Variants in SH2D4A observed in about 807,000 individuals in gnomAD.
SH2D4A encodes the protein SH2 domain containing 4A.
Under a neutral mutation model 64.7 loss-of-function variants are expected in SH2D4A, and 70 were observed. That is an observed-to-expected ratio of 1.08 (90% confidence interval 0.89 to 1.32). The LOEUF (loss-of-function observed/expected upper bound fraction) is 1.32. Ranked by LOEUF, SH2D4A falls within the 40% of genes most tolerant of loss-of-function variation. The probability of loss-of-function intolerance (pLI) is 0.00; values close to 1 mark genes in which losing one functional copy is unlikely to be tolerated. For synonymous variants in SH2D4A, 268 were observed against 200.7 expected (o/e 1.34, Z -2.83); for missense variants, 706 against 540.1 (o/e 1.31, Z -3.04).
rs143082187 is a variant in SH2D4A, at chr8:19,377,587, C to T, written c.1048+3927C>T. Among the ~76,000 whole-genome samples, 395 of 152,180 alleles carry T rather than the reference C, an allele frequency of 2.6e-3. 4 individuals are homozygous for T. The highest frequency in any genetic ancestry group is 9.0e-3 in the African/African-American group (373 of 41,522). On this transcript the variant is annotated intron_variant, in intron 8 of 9. Transcript: ENST00000265807. ...GATCATGTTACACATATTGTTTTCC[C>T]CCAACATTGTTCCTGGGATTTGTCC... is the stretch of plus-strand genomic sequence containing the variant.
intron 4 of SH2D4A, among the ~76,000 whole-genome samples, chr8:19,356,890 G>A (rs1412224604): frequency 6.6e-6 from 1 of 152,352 alleles, no homozygotes; most frequent in South Asian, 2.1e-4. Context: ...AGGGGGTAAT[G>A]TTGATGGCTG....
intron 7 of SH2D4A, among the ~76,000 whole-genome samples, chr8:19,368,720 C>A (rs1420609468): frequency 6.7e-6 from 1 of 150,276 alleles, no homozygotes; most frequent in East Asian, 2.0e-4. Context: ...TTTATCAGGA[C>A]TAAGAGTTTT....
At position 19,388,200 on chromosome 8, in the gene SH2D4A, C is replaced by T. The variant is rs1233212979; in HGVS notation, c.1049-5118C>T. ...AGCATAGTGAGTTAAAAGCAAAACC[C>T]CAGAATAAGAGACAAGAGCCCTGGA... On this transcript the variant is annotated intron_variant, in intron 8 of 9. Transcript: ENST00000265807. 2.6e-5 allele frequency among the ~76,000 whole-genome samples: 4 copies of T among 152,292 alleles called. No homozygotes were observed. The East Asian group carries it at 7.7e-4, about 29-fold the overall frequency.
intron 2 of SH2D4A, among the ~76,000 whole-genome samples, chr8:19,325,779 C>T (rs1316091121): frequency 2.6e-5 from 4 of 152,278 alleles, no homozygotes. Context: ...TAAAAATCCA[C>T]TTTGATATTA....
At chr8:19,357,431 A>G in intron 5 of SH2D4A, 148 bp downstream of exon 5, 3 of 661,296 alleles carry the variant, frequency 4.5e-6, no homozygotes, top group East Asian at 2.7e-5. Context: ...ACAGTTCTGC[A>G]TCTTTACCCG....
chr8:19,340,601 CTTTTTTTT>C (rs535915285), intron 4 of SH2D4A, among the ~76,000 whole-genome samples: 1 of 100,532 alleles, frequency 9.9e-6, no homozygotes, highest in African/African-American at 4.0e-5. Flanking sequence ...TTCTTTCTTT[CTTTTTTTT>C]TTTTTTTTTT....
intron 8 of SH2D4A, among the ~76,000 whole-genome samples, chr8:19,381,550 G>A (rs2053292871): frequency 6.6e-6 from 1 of 152,156 alleles, no homozygotes; most frequent in African/African-American, 2.4e-5. Flanking sequence ...AGTTTTAACA[G>A]TTTTTTGTGG....
chr8:19,369,304 TG>T (rs1038288263), intron 7 of SH2D4A, among the ~76,000 whole-genome samples: 2 of 152,110 alleles, frequency 1.3e-5, no homozygotes, highest in African/African-American at 4.8e-5. Flanking sequence ...TTTCTTTTTT[TG>T]TTGTGTCTTT....
chr8:19,348,906 G>C (rs1251529225), intron 4 of SH2D4A, among the ~76,000 whole-genome samples: 1 of 152,158 alleles, frequency 6.6e-6, no homozygotes, highest in Non-Finnish European at 1.5e-5. Context: ...GGCATTGCCT[G>C]GTTCTGACTG....
intron 1 of SH2D4A, among the ~76,000 whole-genome samples, chr8:19,316,107 T>A (rs1389696266): frequency 6.6e-6 from 1 of 151,866 alleles, no homozygotes; most frequent in East Asian, 1.9e-4. Flanking sequence ...GGGTTGGGAA[T>A]TAGAGGGTGA....
chr8:19,352,154 A>T (rs185698981), intron 4 of SH2D4A, among the ~76,000 whole-genome samples: 2 of 152,350 alleles, frequency 1.3e-5, no homozygotes, highest in Admixed American at 1.3e-4. Flanking sequence ...AAGCAGTTTG[A>T]AAAGTGAACA....
At chr8:19,331,089 C>A (rs1190609345) in intron 2 of SH2D4A, among the ~76,000 whole-genome samples, 2 of 152,134 alleles carry the variant, frequency 1.3e-5, no homozygotes, top group African/African-American at 2.4e-5. Context: ...TCCCTCTGCC[C>A]AGCGTCTCTG....
chr8:19,350,855 A>T (rs1027931410), intron 4 of SH2D4A, among the ~76,000 whole-genome samples: 1 of 152,200 alleles, frequency 6.6e-6, no homozygotes, highest in African/African-American at 2.4e-5. Context: ...AAGTCGGGGT[A>T]TTCAGTAGTC....
chr8:19,316,007 G>A (rs2052081146), intron 1 of SH2D4A, among the ~76,000 whole-genome samples: 1 of 152,214 alleles, frequency 6.6e-6, no homozygotes, highest in Non-Finnish European at 1.5e-5. Flanking sequence ...AGGCGGAGCT[G>A]GGAGTTGAGG....
At chr8:19,384,608 T>A (rs1043229830) in intron 8 of SH2D4A, among the ~76,000 whole-genome samples, 1 of 152,226 alleles carries the variant, frequency 6.6e-6, no homozygotes, top group African/African-American at 2.4e-5. Context: ...TGTTGGAAAG[T>A]CCTTCTGGCC....
chr8:19,352,958 C>G (rs951400977), intron 4 of SH2D4A, among the ~76,000 whole-genome samples: 12 of 151,886 alleles, frequency 7.9e-5, no homozygotes, highest in African/African-American at 2.9e-4. Flanking sequence ...TGCAGTGAGC[C>G]CTGATCATGC....
chr8:19,334,014 A>G (rs561356975), intron 3 of SH2D4A, among the ~76,000 whole-genome samples: 39 of 152,262 alleles, frequency 2.6e-4, no homozygotes, highest in Middle Eastern at 3.4e-3. Context: ...TCAATAGGGA[A>G]GTGACATCAA....
Position 19,394,748 on chromosome 8 carries a change from A to C in SH2D4A, c.*106A>C. 1 of 659,342 alleles carries C rather than the reference A, an allele frequency of 1.5e-6. No individual in the cohort carries two copies. The highest frequency in any genetic ancestry group is 2.8e-5 in the South Asian group (1 of 36,264). The allele number at this position is 659,342 out of a possible 1,614,324, so 40.8% of individuals were successfully genotyped here. A position where few individuals can be genotyped will look rare whatever the true frequency, so the allele number is the denominator to read the frequency against. On this transcript the variant is annotated 3_prime_UTR_variant, in exon 10 of 10. Transcript: ENST00000265807. ...CCAAAATCACCCTGCAGCAGAGCCA[A>C]TACTGATCAACTGAAAGTAAAGTAT...
intron 7 of SH2D4A, among the ~76,000 whole-genome samples, chr8:19,365,684 C>T (rs2052981483): frequency 6.6e-6 from 1 of 152,162 alleles, no homozygotes; most frequent in Non-Finnish European, 1.5e-5. Context: ...TCAGTTAGCT[C>T]ATTTTTTCCA....
Sources: allele counts gnomAD v4.1 joint callset (sites outside exome capture counted in the v4.1 genomes callset), GRCh38; gene constraint gnomAD v4.1.1; transcripts MANE v1.5; gene names NCBI Gene and HGNC (gene_info 2026-07-23, HGNC 2026-07-21).